Variants in FAT3 observed in about 807,000 individuals in gnomAD.
FAT3 encodes FAT atypical cadherin 3.
Under a neutral mutation model 310.2 loss-of-function variants are expected in FAT3, and 95 were observed. That is an observed-to-expected ratio of 0.31 (90% CI 0.26 to 0.36). FAT3 has a LOEUF of 0.36. Among genes scored for constraint, FAT3 ranks in the 10% least tolerant of loss-of-function variants. FAT3 has a pLI of 1.00. For missense variants in FAT3, 5,408 were observed against 5,715.6 expected (o/e 0.95, Z 1.74); for synonymous variants, 2,314 against 2,192.9 (o/e 1.06, Z -1.54).
chr11:92,807,926 A>G (rs1047575159), intron 12 of FAT3, among the ~76,000 whole-genome samples: 1 of 152,188 alleles, frequency 6.6e-6, no homozygotes, highest in Admixed American at 6.5e-5. Context: ...GCTGGCTTGC[A>G]TATTTCCAGT....
rs1399309604 is a variant in FAT3 at position 92,668,719 on chromosome 11, A to G, written c.3608-28665A>G. 2.0e-5 allele frequency among the ~76,000 whole-genome samples: 3 copies of G among 152,246 alleles called. No homozygotes were observed. The East Asian group carries it at 5.8e-4, about 29-fold the overall frequency. On this transcript the variant is annotated intron_variant, in intron 3 of 27. Coordinates refer to ENST00000525166, the MANE Select transcript of FAT3 (RefSeq NM_001367949.2). ...CTAGCACCATGGATGACATAATTTAAATTACTTAGCAAATGGATCTGTTTT... is the reference window on the plus strand; with the variant it reads ...CTAGCACCATGGATGACATAATTTAGATTACTTAGCAAATGGATCTGTTTT...
intron 22 of FAT3, among the ~76,000 whole-genome samples, chr11:92,876,035 C>T (rs1347279835): frequency 6.6e-6 from 1 of 152,092 alleles, no homozygotes; most frequent in African/African-American, 2.4e-5. Flanking sequence ...TCTGGACCGC[C>T]CCTCCTTGAC....
chr11:92,453,430 A>G (rs1951413493), intron 2 of FAT3, among the ~76,000 whole-genome samples: 1 of 151,010 alleles, frequency 6.6e-6, no homozygotes, highest in Admixed American at 6.6e-5. Flanking sequence ...CAAATAGAAG[A>G]TTTTTTTTGT....
At chr11:92,787,366 G>A (rs1202121573) in intron 7 of FAT3, among the ~76,000 whole-genome samples, 1 of 151,604 alleles carries the variant, frequency 6.6e-6, no homozygotes, top group Admixed American at 6.6e-5. Flanking sequence ...ATTTGACTTT[G>A]GTACCTTTAT....
At position 92,831,704 on chromosome 11, in the gene FAT3, C is replaced by G. The variant is rs1395515202; in HGVS notation, c.9564C>G (p.Ile3188Met). 1.9e-6 allele frequency: 3 copies of G among 1,613,424 alleles called. No individual in the cohort carries two copies. Among genetic ancestry groups the G allele is most frequent in the Non-Finnish European group, 2.5e-6 (3 of 1,179,780 alleles). ...TTGACAGCTCATCTGGCATCATCATCCTGGAGCAGCCACTGGACCGTGAGC... is the reference window on the plus strand; with the variant it reads ...TTGACAGCTCATCTGGCATCATCATGCTGGAGCAGCCACTGGACCGTGAGC... ...FSIDSSSGII[I>M]LEQPLDREQQ... is the part of the protein sequence containing the mutation. Residue 3188 changes from isoleucine (I) to methionine (M), a missense_variant, in exon 14 of 28, where the codon ATC becomes ATG. Physicochemically the swap from Ile to Met is conservative, Grantham distance 10. Transcript: ENST00000525166.
At chr11:92,432,430 A>G (rs923222348) in intron 2 of FAT3, among the ~76,000 whole-genome samples, 22 of 152,268 alleles carry the variant, frequency 1.4e-4, no homozygotes, top group African/African-American at 5.3e-4. Context: ...CAATCATGTC[A>G]TCAGATGGGG....
intron 23 of FAT3, 118 bp from the exon 24 acceptor site, chr11:92,882,620 T>A: frequency 7.5e-6 from 4 of 534,920 alleles, no homozygotes; most frequent in Non-Finnish European, 1.2e-5. Flanking sequence ...TCCTGCTTCA[T>A]CTGTACCCTT....
chr11:92,246,008 A>G (rs1279649031), intron 1 of FAT3, among the ~76,000 whole-genome samples: 1 of 152,076 alleles, frequency 6.6e-6, no homozygotes, highest in Non-Finnish European at 1.5e-5. Flanking sequence ...CAGGGTGATT[A>G]AGGATGAGGA....
chr11:92,653,387 G>A (rs1474266257), intron 3 of FAT3, among the ~76,000 whole-genome samples: 1 of 152,070 alleles, frequency 6.6e-6, no homozygotes, highest in Non-Finnish European at 1.5e-5. Context: ...TGTGGTATTA[G>A]CAATTATGGC....
intron 1 of FAT3, among the ~76,000 whole-genome samples, chr11:92,268,684 G>A (rs762967730): frequency 5.9e-5 from 9 of 152,058 alleles, no homozygotes; most frequent in African/African-American, 1.4e-4. Flanking sequence ...TTATGCAACT[G>A]TGGTTACCCT....
intron 2 of FAT3, among the ~76,000 whole-genome samples, chr11:92,392,149 G>T (rs1162598555): frequency 6.6e-6 from 1 of 152,096 alleles, no homozygotes; most frequent in Non-Finnish European, 1.5e-5. Context: ...TGTCTCTGGG[G>T]AGACATGCAC....
chr11:92,442,079 TTTTATA>T lies in FAT3; in HGVS notation c.3293-82553_3293-82548del, dbSNP rs1252219736. On this transcript the variant is annotated intron_variant, in intron 2 of 27. Transcript: ENST00000525166. ...AAGTGCAAAACTTAAGAAATATATA[TTTTATA>T]TATATATATATATATATATATATAT... Among the ~76,000 whole-genome samples the T allele has an allele frequency of 9.0e-3, 601 of 67,128 alleles. 41 individuals are homozygous for T. Among genetic ancestry groups the T allele is most frequent in the African/African-American group, 0.031 (442 of 14,162 alleles). The allele number at this position is 67,128 out of a possible 152,430, so 44.0% of individuals were successfully genotyped here.
intron 2 of FAT3, among the ~76,000 whole-genome samples, chr11:92,404,036 A>T (rs965513708): frequency 1.2e-4 from 18 of 151,926 alleles, no homozygotes; most frequent in African/African-American, 3.9e-4. Context: ...GTCCGTCAAG[A>T]AAAAAAAGGG....
At chr11:92,774,350 A>G (rs570613336) in intron 7 of FAT3, among the ~76,000 whole-genome samples, 170 bp downstream of exon 7, 60 of 152,358 alleles carry the variant, frequency 3.9e-4, no homozygotes, top group African/African-American at 1.4e-3. Flanking sequence ...TATAGATGAT[A>G]TCATAGGACT....
chr11:92,766,204 G>A (rs1483098542), intron 6 of FAT3, among the ~76,000 whole-genome samples: 2 of 152,216 alleles, frequency 1.3e-5, no homozygotes, highest in Non-Finnish European at 2.9e-5. Context: ...AGCAGGGAGA[G>A]GCGCTGGAGA....
chr11:92,230,827 G>T (rs1313456348), intron 1 of FAT3, among the ~76,000 whole-genome samples: 4 of 152,194 alleles, frequency 2.6e-5, no homozygotes, highest in Non-Finnish European at 4.4e-5. Flanking sequence ...GAGCCTCAAG[G>T]AGGAGGGAGA....
chr11:92,559,036 T>G (rs1244753329), intron 3 of FAT3, among the ~76,000 whole-genome samples: 1 of 152,184 alleles, frequency 6.6e-6, no homozygotes, highest in Non-Finnish European at 1.5e-5. Flanking sequence ...ACCAATAAGG[T>G]TGCTATTACT....
In FAT3 at chr11:92,333,782, G is replaced by C. The variant is rs146791610; in HGVS notation, c.-17-18314G>C. ...CAGTAGCAAGGCATTTTTGAAGGAA[G>C]GGTGGGATGTTTGGTACTCTCCTCA... On this transcript the variant is annotated intron_variant, in intron 1 of 27. Transcript: ENST00000525166. Among the ~76,000 whole-genome samples the C allele has an allele frequency of 2.4e-3, 357 of 151,906 alleles. 1 individual carries two copies. Among genetic ancestry groups the C allele is most frequent in the South Asian group, 0.011 (52 of 4,798 alleles).
chr11:92,308,704 G>C (rs961676890), intron 1 of FAT3, among the ~76,000 whole-genome samples: 1 of 152,144 alleles, frequency 6.6e-6, no homozygotes, highest in Non-Finnish European at 1.5e-5. Context: ...ATACAGAAGA[G>C]ATTATTTAAT....
Sources: allele counts gnomAD v4.1 joint callset (sites outside exome capture counted in the v4.1 genomes callset), GRCh38; gene constraint gnomAD v4.1.1; transcripts MANE v1.5; gene names NCBI Gene and HGNC (gene_info 2026-07-23, HGNC 2026-07-21).